Variants in RASA2 observed in about 807,000 individuals in gnomAD.
The protein encoded by RASA2 is RAS p21 protein activator 2, also known as ras GTPase-activating protein 2.
Under a neutral mutation model 118.2 loss-of-function variants are expected in RASA2, and 155 were observed. The observed-to-expected ratio is 1.31, with a 90% CI of 1.15 to 1.50. The LOEUF (loss-of-function observed/expected upper bound fraction) is 1.50. Ranked by LOEUF, RASA2 falls within the 40% of genes most tolerant of loss-of-function variation. The pLI is 0.00. For missense variants in RASA2, 1,016 were observed against 1,009.6 expected, an observed-to-expected ratio of 1.01 and a Z score of -0.09; for synonymous variants, 353 against 349.1, an observed-to-expected ratio of 1.01 and a Z score of -0.12.
intron 2 of RASA2, among the ~76,000 whole-genome samples, chr3:141,512,977 C>T (rs1249824856): frequency 1.3e-5 from 2 of 151,166 alleles, no homozygotes; most frequent in Non-Finnish European, 2.9e-5. Flanking sequence ...GCAGGAGAAT[C>T]GCTTGAACCC....
chr3:141,536,875 A>G (rs557713040), intron 4 of RASA2, among the ~76,000 whole-genome samples: 1 of 151,480 alleles, frequency 6.6e-6, no homozygotes, highest in Non-Finnish European at 1.5e-5. Flanking sequence ...AGCCTCCCGA[A>G]TAGCTGGGAT....
intron 3 of RASA2, among the ~76,000 whole-genome samples, chr3:141,518,922 C>T (rs574773687): frequency 6.6e-6 from 1 of 152,180 alleles, no homozygotes; most frequent in East Asian, 1.9e-4. Flanking sequence ...TTTGTTAAAA[C>T]TATTTGTTAC....
chr3:141,559,761 A>G, intron 8 of RASA2, 133 bp from the exon 9 acceptor site: 1 of 675,220 alleles, frequency 1.5e-6, no homozygotes, highest in Non-Finnish European at 2.6e-6. Context: ...AGGTATGTAT[A>G]TGGTGTTGCT....
chr3:141,507,770 A>G (rs1045103411), intron 1 of RASA2, among the ~76,000 whole-genome samples: 2 of 152,256 alleles, frequency 1.3e-5, no homozygotes, highest in Admixed American at 6.5e-5. Flanking sequence ...GTTTGCTAGT[A>G]AAACAACCCA....
At chr3:141,558,442 C>G (rs192486453) in intron 7 of RASA2, among the ~76,000 whole-genome samples, 121 of 152,140 alleles carry the variant, frequency 8.0e-4, no homozygotes, top group African/African-American at 2.8e-3. Flanking sequence ...AATAGGAGAT[C>G]AAGGGAGGTA....
chr3:141,577,177 TAAAC>T (rs2083026743), intron 15 of RASA2, 71 bp downstream of exon 15: 2 of 1,216,294 alleles, frequency 1.6e-6, no homozygotes, highest in African/African-American at 1.6e-5. Flanking sequence ...AAAGATAAAA[TAAAC>T]CAATTTCACT....
In RASA2 at chr3:141,598,314, A is replaced by G. The variant is rs149401734; in HGVS notation, c.1934-9364A>G. Among the ~76,000 whole-genome samples, 730 of 152,324 alleles carry G rather than the reference A, an allele frequency of 4.8e-3. 8 individuals are homozygous for G. The highest frequency in any genetic ancestry group is 0.017 in the African/African-American group (693 of 41,578). On this transcript the variant is annotated intron_variant, in intron 19 of 23. Transcript: ENST00000286364. ...CCATAATGAAGTGGGGTTTGTCCCA[A>G]GTATATAAAGTTGGTTTAATATCTG...
rs112765162 is a variant in RASA2 at position 141,491,276 on chromosome 3, A to G, written c.133+4060A>G. 6.4e-3 allele frequency among the ~76,000 whole-genome samples: 968 copies of G among 152,234 alleles called. 13 individuals are homozygous for G. The highest frequency in any genetic ancestry group is 0.022 in the African/African-American group (930 of 41,536). On this transcript the variant is annotated intron_variant, in intron 1 of 23. Transcript: ENST00000286364. ...GTCAGGAAGCTCCTACTCATCCCTCAAAAGCCTGCTCTATGTGATCTCCTT... is the reference window on the plus strand; with the variant it reads ...GTCAGGAAGCTCCTACTCATCCCTCGAAAGCCTGCTCTATGTGATCTCCTT...
At chr3:141,600,324 A>G (rs1426518458) in intron 19 of RASA2, 1 of 536,834 alleles carries the variant, frequency 1.9e-6, no homozygotes, top group South Asian at 1.4e-5. Context: ...CTGATGTCCA[A>G]AGTGTTAGGT....
chr3:141,528,474 A>T (rs1269578991), intron 3 of RASA2, among the ~76,000 whole-genome samples: 3 of 151,996 alleles, frequency 2.0e-5, no homozygotes, highest in Admixed American at 6.6e-5. Context: ...AGTAGAAAAT[A>T]TGGAAATTTT....
intron 1 of RASA2, among the ~76,000 whole-genome samples, chr3:141,497,123 C>T (rs1477133168): frequency 6.0e-5 from 8 of 133,200 alleles, no homozygotes; most frequent in Non-Finnish European, 1.2e-4. Context: ...AATGAGAACA[C>T]TTGGACACAG....
intron 21 of RASA2, 106 bp from the exon 22 acceptor site, chr3:141,609,314 T>C (rs776726284): frequency 5.1e-5 from 31 of 612,454 alleles, no homozygotes; most frequent in Non-Finnish European, 7.7e-5. Flanking sequence ...GACTTCCTTC[T>C]GCAAAAGTCT....
In RASA2 at chr3:141,608,487, A is replaced by G. The variant is rs755398194; in HGVS notation, c.2017-2A>G. On this transcript the variant is annotated splice_acceptor_variant, in intron 20 of 23. Coordinates refer to ENST00000286364, the MANE Select transcript of RASA2 (RefSeq NM_006506.5). LOFTEE classifies it high-confidence loss of function. ...AACTTTTTATCTTAATTGCCTATGA[A>G]GATGTTCCAAGTAATACATACGGAG... 1 of 1,613,094 alleles carries G rather than the reference A, an allele frequency of 6.2e-7. No individual in the cohort carries two copies. Among genetic ancestry groups the G allele is most frequent in the Non-Finnish European group, 8.5e-7 (1 of 1,179,208 alleles).
At chr3:141,567,825 G>A (rs2082845879) in intron 9 of RASA2, among the ~76,000 whole-genome samples, 2 of 152,206 alleles carry the variant, frequency 1.3e-5, no homozygotes, top group Non-Finnish European at 2.9e-5. Context: ...TGTATAAACA[G>A]AGGTTGAGGA....
intron 5 of RASA2, among the ~76,000 whole-genome samples, chr3:141,548,909 A>G (rs1357582534): frequency 2.6e-5 from 4 of 151,794 alleles, no homozygotes; most frequent in African/African-American, 9.7e-5. Flanking sequence ...ATCTGGAAAA[A>G]CTCTAATTGA....
At chr3:141,509,995 G>A (rs191068257) in intron 1 of RASA2, among the ~76,000 whole-genome samples, 91 of 152,284 alleles carry the variant, frequency 6.0e-4, no homozygotes, top group African/African-American at 2.1e-3. Flanking sequence ...GATTTAAGAA[G>A]TATCTTACTG....
chr3:141,573,681 C>A (rs974316649), intron 13 of RASA2, among the ~76,000 whole-genome samples: 2 of 152,158 alleles, frequency 1.3e-5, no homozygotes, highest in Non-Finnish European at 2.9e-5. Context: ...CCTTTTGGAT[C>A]ATTTTATTCC....
intron 14 of RASA2, among the ~76,000 whole-genome samples, chr3:141,575,681 C>G (rs990421430): frequency 3.4e-5 from 5 of 148,208 alleles, no homozygotes; most frequent in African/African-American, 1.3e-4. Flanking sequence ...CTACATGCTG[C>G]CATTCACTAT....
intron 2 of RASA2, among the ~76,000 whole-genome samples, chr3:141,515,707 C>T (rs1178143942): frequency 6.6e-6 from 1 of 151,608 alleles, no homozygotes; most frequent in African/African-American, 2.4e-5. Flanking sequence ...TGAGACCATC[C>T]TGGCCAACAT....
Sources: gnomAD v4.1 joint callset for allele counts (sites outside exome capture counted in the v4.1 genomes callset) on GRCh38, gnomAD v4.1.1 for gene constraint, MANE v1.5 for transcripts, NCBI Gene and HGNC (gene_info 2026-07-23, HGNC 2026-07-21) for gene names.